CENPF: variants seen among roughly 807,000 people sequenced by gnomAD.
The protein encoded by CENPF is centromere protein F.
In CENPF, 214 loss-of-function variants were observed where a neutral mutation model predicts 307.3. The observed-to-expected ratio is 0.70, with a 90% CI of 0.62 to 0.78. The LOEUF (loss-of-function observed/expected upper bound fraction) is 0.78, where lower values mean the gene tolerates loss of function less well. Ranked by LOEUF, CENPF falls within the 30% of genes least tolerant of loss-of-function variation. The probability of loss-of-function intolerance (pLI) is 0.00; values close to 1 mark genes in which losing one functional copy is unlikely to be tolerated. For synonymous variants in CENPF, 1,259 were observed against 1,270.6 expected (o/e 0.99, Z 0.19); for missense variants, 3,401 against 3,483.9 (o/e 0.98, Z 0.60).
chr1:214,652,068 A>ATTTTTTTT lies in CENPF; in HGVS notation c.8160+193_8160+200dup, dbSNP rs35011701. Among the ~76,000 whole-genome samples the ATTTTTTTT allele has an allele frequency of 4.1e-4, 52 of 127,090 alleles. 2 individuals are homozygous for ATTTTTTTT. The highest frequency in any genetic ancestry group is 1.4e-3 in the African/African-American group (45 of 33,318). 83.4% of individuals were successfully genotyped at this position (127,090 alleles called of 152,430 possible). On this transcript the variant is annotated intron_variant, in intron 15 of 19. Coordinates refer to ENST00000366955, the MANE Select transcript of CENPF (RefSeq NM_016343.4). ...GGTCCCTCTCTTATTTTATCAGTTG[A>ATTTTTTTT]TTTTTTTTTTTTTTTTTTGAGATGG...
At chr1:214,614,433 C>T (rs1657281863) in intron 2 of CENPF, among the ~76,000 whole-genome samples, 1 of 152,072 alleles carries the variant, frequency 6.6e-6, no homozygotes, top group African/African-American at 2.4e-5. Flanking sequence ...TCTCTATTAG[C>T]CAACTAAATA....
chr1:214,644,111 G>A lies in CENPF; in HGVS notation c.4987-446G>A, dbSNP rs114571150. Among the ~76,000 whole-genome samples the A allele has an allele frequency of 3.3e-3, 501 of 152,214 alleles. 5 individuals are homozygous for A. The highest frequency in any genetic ancestry group is 0.011 in the African/African-American group (455 of 41,536). Reference sequence around the variant, plus strand: ...TAATGTACAGTAAGTGCTGGATTGGGGATTAAGTCCTTGGACTGGGAATCT... The same window carrying A: ...TAATGTACAGTAAGTGCTGGATTGGAGATTAAGTCCTTGGACTGGGAATCT... On this transcript the variant is annotated intron_variant, in intron 12 of 19. Transcript: ENST00000366955.
chr1:214,648,116 T>G lies in CENPF; in HGVS notation c.7831-559T>G, dbSNP rs572798856. ...CAAATATTAAAGAATAAAAGGACTA[T>G]CCACAAAATTCATCTCCACCCTGTA... On this transcript the variant is annotated intron_variant, in intron 13 of 19. Transcript: ENST00000366955. 42 of 349,176 alleles carry G rather than the reference T, an allele frequency of 1.2e-4. 2 individuals carry two copies. Among genetic ancestry groups the G allele is most frequent in the Middle Eastern group, 1.0e-3 (1 of 990 alleles). The allele number at this position is 349,176 out of a possible 1,614,324, so 21.6% of individuals were successfully genotyped here.
intron 1 of CENPF, chr1:214,608,687 G>T: frequency 6.3e-7 from 1 of 1,595,316 alleles, no homozygotes; most frequent in Admixed American, 1.7e-5. Context: ...GTCCCCAAGG[G>T]GGCGGCCCCG....
intron 12 of CENPF, 129 bp downstream of exon 12, chr1:214,643,453 A>G (rs1405892716): frequency 3.8e-6 from 3 of 794,028 alleles, no homozygotes; most frequent in Non-Finnish European, 5.3e-6. Context: ...GAAATAAAAT[A>G]CACCAAAATA....
chr1:214,640,991 A>G lies in CENPF; in HGVS notation c.2653A>G (p.Ile885Val), dbSNP rs774018402. The G allele has an allele frequency of 2.8e-5, 44 of 1,590,642 alleles. No homozygotes were observed. The highest frequency in any genetic ancestry group is 3.6e-5 in the Non-Finnish European group (42 of 1,173,358). Reference protein sequence around the residue: ...QSFVAETSQRISKLQEDTSAH... With the variant: ...QSFVAETSQRVSKLQEDTSAH... The stretch of plus-strand genomic sequence containing the variant: ...TTTTGTGGCTGAAACAAGTCAGCGC[A>G]TTAGTAAGTTACAGGAAGACACTTC... Residue 885 changes from isoleucine to valine, a missense_variant, in exon 12 of 20, where the codon ATT becomes GTT. Ile to Val is a conservative substitution (Grantham distance 29). Coordinates refer to ENST00000366955, the MANE Select transcript of CENPF (RefSeq NM_016343.4).
chr1:214,634,200 C>A (rs186169418), intron 10 of CENPF, among the ~76,000 whole-genome samples: 1 of 152,268 alleles, frequency 6.6e-6, no homozygotes, highest in Admixed American at 6.5e-5. Context: ...ATGAGGGCAT[C>A]TGTGTGAAAG....
rs767114592 is a variant in CENPF at position 214,641,842 on chromosome 1, T to A, written c.3504T>A (p.Asn1168Lys). 1 of 1,608,940 alleles carries A rather than the reference T, an allele frequency of 6.2e-7. No individual in the cohort carries two copies. The highest frequency in any genetic ancestry group is 1.1e-5 in the South Asian group (1 of 89,470). Reference protein sequence around the residue: ...KVMKTKHECQNLESEPIRNSV... With the variant: ...KVMKTKHECQKLESEPIRNSV... ...TGAAGACTAAACATGAATGTCAAAA[T>A]CTAGAATCAGAACCAATTAGGAACT... The change falls in exon 12 of 20, where the codon AAT becomes AAA. Residue 1168 changes from asparagine to lysine, a missense_variant. By Grantham distance (94) the Asn-to-Lys change is moderately conservative. Transcript: ENST00000366955.
At chr1:214,649,476 A>G (rs574538493) in intron 14 of CENPF, among the ~76,000 whole-genome samples, 40 of 152,314 alleles carry the variant, frequency 2.6e-4, no homozygotes, top group Non-Finnish European at 5.0e-4. Flanking sequence ...TCCTCATGCA[A>G]CTTCATCCCT....
rs755861335 is a variant in CENPF, at chr1:214,613,733, G to A, written c.-22G>A. ...TTTCAGTTTATTTACAAATGTTGGAGTAATAAAGAAGGCAGAACAAAATGA... is the reference window on the plus strand; with the variant it reads ...TTTCAGTTTATTTACAAATGTTGGAATAATAAAGAAGGCAGAACAAAATGA... On this transcript the variant is annotated 5_prime_UTR_variant, in exon 2 of 20. Coordinates refer to ENST00000366955, the MANE Select transcript of CENPF (RefSeq NM_016343.4). 1 of 1,569,160 alleles carries A rather than the reference G, an allele frequency of 6.4e-7. No homozygotes were observed. The highest frequency in any genetic ancestry group is 8.6e-7 in the Non-Finnish European group (1 of 1,160,254).
Position 214,663,817 on chromosome 1 carries a change from C to T in CENPF, c.*23C>T. 2.5e-6 allele frequency: 4 copies of T among 1,593,768 alleles called. No individual in the cohort carries two copies. Among genetic ancestry groups the T allele is most frequent in the East Asian group, 4.5e-5 (2 of 44,400 alleles). On this transcript the variant is annotated 3_prime_UTR_variant, in exon 20 of 20. Transcript: ENST00000366955. ...TGAAGGCACTTTGTGTGTCAGTACCCCTGGGAGGTGCCAGTCATTGAATAG... is the reference window on the plus strand; with the variant it reads ...TGAAGGCACTTTGTGTGTCAGTACCTCTGGGAGGTGCCAGTCATTGAATAG...
At position 214,657,413 on chromosome 1, in the gene CENPF, TG is replaced by T; in HGVS notation, c.8962+5del. On this transcript the variant is annotated splice_donor_5th_base_variant and intron_variant, in intron 18 of 19. Coordinates refer to ENST00000366955, the MANE Select transcript of CENPF (RefSeq NM_016343.4). ...CTTCCAGAAGTTGTAAAGAAAGGTA[TG>T]CCTAATTTAAAGACAAAATTATTTG... The T allele has an allele frequency of 6.3e-7, 1 of 1,577,740 alleles. No individual in the cohort carries two copies. The highest frequency in any genetic ancestry group is 8.6e-7 in the Non-Finnish European group (1 of 1,159,640).
chr1:214,607,080 C>T (rs1657054399), intron 1 of CENPF, among the ~76,000 whole-genome samples: 2 of 152,222 alleles, frequency 1.3e-5, no homozygotes, highest in South Asian at 2.1e-4. Context: ...AGGATGCTGC[C>T]TGGCTTGTGC....
rs576901756 is a variant in CENPF at position 214,631,696 on chromosome 1, C to T, written c.1324-784C>T. 2.5e-4 allele frequency among the ~76,000 whole-genome samples: 38 copies of T among 152,250 alleles called. No individual in the cohort carries two copies. In the South Asian group the frequency reaches 7.5e-3, roughly 30 times the overall value. ...TGTATTTTTAGTAGAGACGAGGTTT[C>T]ACCAGGTTGGCCAGGCTGGCCTCAA... On this transcript the variant is annotated intron_variant, in intron 9 of 19. Transcript: ENST00000366955.
Position 214,638,151 on chromosome 1 carries a change from C to T in CENPF, c.1582+150C>T. The stretch of plus-strand genomic sequence containing the variant: ...TGCGCAGTTGATGTGGAAGAGTTTT[C>T]CCTCTTCTAGTTTTTAGTTTCCAGA... On this transcript the variant is annotated intron_variant, in intron 11 of 19. Coordinates refer to ENST00000366955, the MANE Select transcript of CENPF (RefSeq NM_016343.4). 3 of 835,962 alleles carry T rather than the reference C, an allele frequency of 3.6e-6. No individual in the cohort carries two copies. In the South Asian group the frequency reaches 6.8e-5, roughly 19 times the overall value. The allele number at this position is 835,962 out of a possible 1,614,324, so 51.8% of individuals were successfully genotyped here. A position where few individuals can be genotyped will look rare whatever the true frequency, so the allele number is the denominator to read the frequency against.
chr1:214,632,980 A>G (rs1657849784), intron 10 of CENPF, among the ~76,000 whole-genome samples: 1 of 152,252 alleles, frequency 6.6e-6, no homozygotes, highest in Non-Finnish European at 1.5e-5. Context: ...ACAAAATTGG[A>G]AGTATCATCT....
chr1:214,618,549 G>A, intron 3 of CENPF, 24 bp from the exon 4 acceptor site: 1 of 1,611,988 alleles, frequency 6.2e-7, no homozygotes, highest in East Asian at 2.2e-5. Flanking sequence ...TGATTTGTCT[G>A]CCTCTTGGGT....
chr1:214,610,771 G>A (rs12405995), intron 1 of CENPF, among the ~76,000 whole-genome samples: 10,551 of 152,058 alleles, frequency 0.069, 422 homozygotes, highest in South Asian at 0.14. Flanking sequence ...TCCTGTGTCC[G>A]GGATGGTATT....
chr1:214,634,103 A>G (rs1657885337), intron 10 of CENPF, among the ~76,000 whole-genome samples: 1 of 152,168 alleles, frequency 6.6e-6, no homozygotes, highest in Non-Finnish European at 1.5e-5. Flanking sequence ...CTGGTCCGTG[A>G]GCTGTAGCGC....
Sources: allele counts gnomAD v4.1 joint callset (sites outside exome capture counted in the v4.1 genomes callset), GRCh38; gene constraint gnomAD v4.1.1; transcripts MANE v1.5; gene names NCBI Gene and HGNC (gene_info 2026-07-23, HGNC 2026-07-21).